AXIN1: variants seen among roughly 807,000 people sequenced by gnomAD.
The protein encoded by AXIN1 is axin 1, also known as axin-1.
In AXIN1, 30 loss-of-function variants were observed where a neutral mutation model predicts 76.4. The observed-to-expected ratio is 0.39, with a 90% CI of 0.29 to 0.53. The LOEUF (loss-of-function observed/expected upper bound fraction) is 0.53. Ranked by LOEUF, AXIN1 falls within the 20% of genes least tolerant of loss-of-function variation. The pLI, the probability that AXIN1 is intolerant of heterozygous loss-of-function variation, is 0.66. For missense variants in AXIN1, 1,140 were observed against 1,198.8 expected (o/e 0.95, Z 0.72); for synonymous variants, 545 against 501.4 (o/e 1.09, Z -1.16).
At chr16:345,612 G>C (rs766373040) in intron 2 of AXIN1, among the ~76,000 whole-genome samples, 1 of 152,122 alleles carries the variant, frequency 6.6e-6, no homozygotes, top group Non-Finnish European at 1.5e-5. Flanking sequence ...TACTCAGGAG[G>C]CTGAGGCAGG....
At chr16:315,547 G>A (rs957314469) in intron 2 of AXIN1, among the ~76,000 whole-genome samples, 4 of 152,146 alleles carry the variant, frequency 2.6e-5, no homozygotes, top group Admixed American at 6.5e-5. Context: ...AATCAGACAG[G>A]CCGGGTGCGG....
intron 7 of AXIN1, among the ~76,000 whole-genome samples, chr16:294,697 G>A (rs2052659603): frequency 6.9e-6 from 1 of 145,806 alleles, no homozygotes; most frequent in Non-Finnish European, 1.5e-5. Context: ...GGAGGTTGCA[G>A]TGCGTTGACA....
chr16:324,925 G>T (rs1431928599), intron 2 of AXIN1, among the ~76,000 whole-genome samples: 1 of 152,236 alleles, frequency 6.6e-6, no homozygotes, highest in Non-Finnish European at 1.5e-5. Context: ...TCCTAAGGGC[G>T]CAGAACTCCG....
chr16:352,668 C>G lies in AXIN1; in HGVS notation c.-381G>C, dbSNP rs2054172416. Reference sequence around the variant, plus strand: ...CACGATCGCCTCCCGAGCCAGAGCCCGAGCCAGAGCGCCGAAGCCCAGGCC... The same window carrying G: ...CACGATCGCCTCCCGAGCCAGAGCCGGAGCCAGAGCGCCGAAGCCCAGGCC... On this transcript the variant is annotated 5_prime_UTR_variant, in exon 1 of 11. Transcript: ENST00000262320. 1 of 156,320 alleles carries G rather than the reference C, an allele frequency of 6.4e-6. No individual in the cohort carries two copies. Among genetic ancestry groups the G allele is most frequent in the South Asian group, 2.1e-4 (1 of 4,874 alleles). The allele number at this position is 156,320 out of a possible 1,614,324, so 9.7% of individuals were successfully genotyped here. A position where few individuals can be genotyped will look rare whatever the true frequency, so the allele number is the denominator to read the frequency against.
At chr16:315,584 T>C (rs540134786) in intron 2 of AXIN1, among the ~76,000 whole-genome samples, 1 of 152,232 alleles carries the variant, frequency 6.6e-6, no homozygotes, top group South Asian at 2.1e-4. Flanking sequence ...TCCCAGCACT[T>C]TGGGTGGCCG....
At chr16:294,135 T>C (rs1475807424) in intron 7 of AXIN1, among the ~76,000 whole-genome samples, 1 of 152,078 alleles carries the variant, frequency 6.6e-6, no homozygotes, top group Non-Finnish European at 1.5e-5. Flanking sequence ...CACTCCAGCC[T>C]GGGTGACAGA....
Position 320,743 on chromosome 16 carries a change from A to ATATT in AXIN1, c.879-6061_879-6060insAATA, listed in dbSNP as rs397722732. The stretch of plus-strand genomic sequence containing the variant: ...TGTGTGTATATATATATATATATAT[A>ATATT]TTTTTTTTTTTTTTGAGACGGAGCC... On this transcript the variant is annotated intron_variant, in intron 2 of 10. Coordinates refer to ENST00000262320, the MANE Select transcript of AXIN1 (RefSeq NM_003502.4). 8.1e-4 allele frequency among the ~76,000 whole-genome samples: 87 copies of ATATT among 107,622 alleles called. 2 individuals carry two copies. The highest frequency in any genetic ancestry group is 2.0e-3 in the East Asian group (9 of 4,426). The allele number at this position is 107,622 out of a possible 152,430, so 70.6% of individuals were successfully genotyped here.
In AXIN1 at chr16:287,878, G is replaced by T. The variant is rs1321986519; in HGVS notation, c.*244C>A. On this transcript the variant is annotated 3_prime_UTR_variant, in exon 11 of 11. Transcript: ENST00000262320. Reference sequence around the variant, plus strand: ...GCAGGGACCTCGGCTGCCTCACTTGGGCTGGGCCCTCCAAGTATTGCTATG... The same window carrying T: ...GCAGGGACCTCGGCTGCCTCACTTGTGCTGGGCCCTCCAAGTATTGCTATG... The T allele has an allele frequency of 1.6e-6, 1 of 617,980 alleles. No homozygotes were observed. The highest frequency in any genetic ancestry group is 2.8e-6 in the Non-Finnish European group (1 of 354,162). The allele number at this position is 617,980 out of a possible 1,614,324, so 38.3% of individuals were successfully genotyped here. A position where few individuals can be genotyped will look rare whatever the true frequency, so the allele number is the denominator to read the frequency against.
intron 9 of AXIN1, 79 bp downstream of exon 9, chr16:291,111 G>T: frequency 1.5e-6 from 2 of 1,376,038 alleles, no homozygotes; most frequent in Non-Finnish European, 2.0e-6. Flanking sequence ...CCCCGGGACG[G>T]CGGCTCTACG....
chr16:294,793 T>G (rs1474822233), intron 7 of AXIN1, among the ~76,000 whole-genome samples: 9 of 132,722 alleles, frequency 6.8e-5, no homozygotes, highest in Admixed American at 1.6e-4. Context: ...CCAGGCGCGG[T>G]GGCTCACGCC....
At position 288,009 on chromosome 16, in the gene AXIN1, G is replaced by A; in HGVS notation, c.*113C>T. ...CACGGGTAGACCACAGGGATGGGTG[G>A]TACACCCAACACTGTTCCCCATCGG... On this transcript the variant is annotated 3_prime_UTR_variant, in exon 11 of 11. Transcript: ENST00000262320. 3.2e-6 allele frequency: 5 copies of A among 1,544,050 alleles called. No homozygotes were observed. Among genetic ancestry groups the A allele is most frequent in the Admixed American group, 3.3e-5 (2 of 59,890 alleles).
At chr16:309,860 A>G in intron 4 of AXIN1, 113 bp downstream of exon 4, 1 of 997,680 alleles carries the variant, frequency 1.0e-6, no homozygotes, top group Middle Eastern at 2.9e-4. Flanking sequence ...TTACGCCTAG[A>G]GGTAAGCCTG....
intron 2 of AXIN1, among the ~76,000 whole-genome samples, chr16:326,248 G>A (rs2053576200): frequency 6.6e-6 from 1 of 150,456 alleles, no homozygotes; most frequent in African/African-American, 2.5e-5. Context: ...CAGCTACTCG[G>A]GAGGCTGAGT....
chr16:300,114 G>C (rs1198415874), intron 5 of AXIN1, among the ~76,000 whole-genome samples: 1 of 151,622 alleles, frequency 6.6e-6, no homozygotes, highest in Non-Finnish European at 1.5e-5. Context: ...TAAATTTTTT[G>C]TATTTTTAGT....
At position 288,203 on chromosome 16, in the gene AXIN1, C is replaced by T. The variant is rs199865016; in HGVS notation, c.2508G>A (p.Val836=). 1.0e-4 allele frequency: 162 copies of T among 1,613,748 alleles called. No individual in the cohort carries two copies. Among genetic ancestry groups the T allele is most frequent in the South Asian group, 1.4e-4 (13 of 91,090 alleles). ...CCTCGTCCTCTCGAACCTCCTCAAA[C>T]ACCACCCCACAGTCAAACTCGTCGC... ...KVSDEFDCGV[V]FEEVREDEAV... Residue 836 remains valine, a synonymous_variant, in exon 11 of 11, where the codon GTG becomes GTA. Transcript: ENST00000262320.
intron 7 of AXIN1, 93 bp downstream of exon 7, chr16:296,963 C>T: frequency 9.5e-6 from 14 of 1,468,184 alleles, no homozygotes; most frequent in Non-Finnish European, 1.3e-5. Context: ...GCGACACTCG[C>T]CACACACACT....
At chr16:338,310 C>G (rs939113538) in intron 2 of AXIN1, among the ~76,000 whole-genome samples, 1 of 152,346 alleles carries the variant, frequency 6.6e-6, no homozygotes, top group South Asian at 2.1e-4. Context: ...CACAGGGGCC[C>G]GCAGGGACAC....
chr16:324,762 G>A (rs1234608651), intron 2 of AXIN1, among the ~76,000 whole-genome samples: 1 of 152,082 alleles, frequency 6.6e-6, no homozygotes, highest in African/African-American at 2.4e-5. Flanking sequence ...CCTGCATCCC[G>A]ACCCCCCGGA....
intron 4 of AXIN1, among the ~76,000 whole-genome samples, chr16:307,005 A>T (rs2053045133): frequency 6.6e-6 from 1 of 152,230 alleles, no homozygotes; most frequent in African/African-American, 2.4e-5. Flanking sequence ...CTGGGGGGCC[A>T]TGCTGGCTTT....
Sources: gnomAD v4.1 joint callset for allele counts (sites outside exome capture counted in the v4.1 genomes callset) on GRCh38, gnomAD v4.1.1 for gene constraint, MANE v1.5 for transcripts, NCBI Gene and HGNC (gene_info 2026-07-23, HGNC 2026-07-21) for gene names.